DCC: variants seen among roughly 807,000 people sequenced by gnomAD.
DCC encodes netrin receptor DCC.
In DCC, 58 loss-of-function variants were observed where a neutral mutation model predicts 172.5. That is an observed-to-expected ratio of 0.34 (90% CI 0.27 to 0.42). The LOEUF (loss-of-function observed/expected upper bound fraction) is 0.42. Among genes scored for constraint, DCC ranks in the 10% least tolerant of loss-of-function variants. The pLI, the probability that DCC is intolerant of heterozygous loss-of-function variation, is 1.00. For synonymous variants in DCC, 709 were observed against 644.5 expected, an observed-to-expected ratio of 1.10 and a Z score of -1.52; for missense variants, 1,740 against 1,791.0, an observed-to-expected ratio of 0.97 and a Z score of 0.51.
intron 5 of DCC, among the ~76,000 whole-genome samples, chr18:53,009,466 T>G (rs2041695360): frequency 6.6e-6 from 1 of 151,846 alleles, no homozygotes; most frequent in South Asian, 2.1e-4. Context: ...TATGCTGAAG[T>G]GGTGTCAGTG....
In DCC at chr18:52,573,862, C is replaced by T. The variant is rs556383568; in HGVS notation, c.92-178192C>T. On this transcript the variant is annotated intron_variant, in intron 1 of 28. Transcript: ENST00000442544. ...AGATGTCCAGATTCCTAGTCCCAGA[C>T]TGTTCCCTCTTAGGATGACCACCTC... 1.1e-4 allele frequency among the ~76,000 whole-genome samples: 17 copies of T among 152,312 alleles called. No individual in the cohort carries two copies. The South Asian group carries it at 1.7e-3, about 15-fold the overall frequency.
At chr18:53,081,996 A>T (rs1268179143) in intron 7 of DCC, among the ~76,000 whole-genome samples, 1 of 152,112 alleles carries the variant, frequency 6.6e-6, no homozygotes, top group African/African-American at 2.4e-5. Flanking sequence ...GGGGGAGGCC[A>T]GCGATCAAGA....
At chr18:53,526,326 G>T (rs527925587) in intron 27 of DCC, among the ~76,000 whole-genome samples, 46 of 152,158 alleles carry the variant, frequency 3.0e-4, no homozygotes, top group African/African-American at 2.4e-5. Context: ...ACTTTATAGG[G>T]TGTGATGAAC....
intron 12 of DCC, among the ~76,000 whole-genome samples, chr18:53,302,710 T>C (rs1479732593): frequency 1.3e-5 from 2 of 152,232 alleles, no homozygotes; most frequent in Non-Finnish European, 2.9e-5. Flanking sequence ...ATTATCCTTA[T>C]GCTTGCTTAT....
At chr18:53,370,612 T>A (rs2058051209) in intron 15 of DCC, among the ~76,000 whole-genome samples, 1 of 151,914 alleles carries the variant, frequency 6.6e-6, no homozygotes, top group South Asian at 2.1e-4. Flanking sequence ...ATTTTCTAAT[T>A]TCCTTTGTTG....
intron 26 of DCC, among the ~76,000 whole-genome samples, chr18:53,496,415 C>T (rs1409951341): frequency 6.6e-6 from 1 of 152,066 alleles, no homozygotes; most frequent in East Asian, 1.9e-4. Context: ...GTATCAACAT[C>T]AACAAAAAGG....
chr18:52,343,066 C>T (rs142388061), intron 1 of DCC, among the ~76,000 whole-genome samples: 111 of 152,280 alleles, frequency 7.3e-4, no homozygotes, highest in African/African-American at 2.4e-3. Context: ...CTTTTCTGCA[C>T]TTCTAAATCT....
chr18:52,724,823 C>G (rs2145083269), intron 1 of DCC, among the ~76,000 whole-genome samples: 1 of 152,220 alleles, frequency 6.6e-6, no homozygotes, highest in Middle Eastern at 3.4e-3. Context: ...TCCATCTGAC[C>G]CATTCTACAC....
intron 1 of DCC, among the ~76,000 whole-genome samples, chr18:52,587,079 T>A (rs1264241897): frequency 2.6e-5 from 4 of 151,808 alleles, no homozygotes; most frequent in Non-Finnish European, 5.9e-5. Flanking sequence ...TAAGTGTGTA[T>A]TCCAGTGAGG....
chr18:52,674,476 C>T (rs1176692612), intron 1 of DCC, among the ~76,000 whole-genome samples: 1 of 152,152 alleles, frequency 6.6e-6, no homozygotes, highest in Non-Finnish European at 1.5e-5. Flanking sequence ...CCACCAATTC[C>T]AATGTTAATC....
In DCC at chr18:52,680,936, C is replaced by T. The variant is rs971139248; in HGVS notation, c.92-71118C>T. 2.1e-4 allele frequency among the ~76,000 whole-genome samples: 32 copies of T among 152,010 alleles called. 1 individual carries two copies. The highest frequency in any genetic ancestry group is 8.8e-5 in the Non-Finnish European group (6 of 67,978). On this transcript the variant is annotated intron_variant, in intron 1 of 28. Coordinates refer to ENST00000442544, the MANE Select transcript of DCC (RefSeq NM_005215.4). ...TTGGTTAAAACGCAGAAGAAAAATA[C>T]TGGTTAGTTTTTACATGGGTCCAAC...
rs577164819 is a variant in DCC at position 52,376,516 on chromosome 18, T to G, written c.91+35638T>G. On this transcript the variant is annotated intron_variant, in intron 1 of 28. Transcript: ENST00000442544. ...GTGTGTGTGTGTGTGTGTATATGTG[T>G]GTACATGCACATGCACAAGTTTTCA... 4.0e-3 allele frequency among the ~76,000 whole-genome samples: 611 copies of G among 152,312 alleles called. 7 individuals are homozygous for G. Among genetic ancestry groups the G allele is most frequent in the African/African-American group, 0.014 (591 of 41,556 alleles).
chr18:53,119,081 G>T (rs1422218178), intron 7 of DCC, among the ~76,000 whole-genome samples: 1 of 151,716 alleles, frequency 6.6e-6, no homozygotes, highest in Admixed American at 6.6e-5. Context: ...TTAGCATCTT[G>T]AGGAAGGTAC....
At chr18:52,352,319 T>C (rs1355578547) in intron 1 of DCC, among the ~76,000 whole-genome samples, 1 of 152,192 alleles carries the variant, frequency 6.6e-6, no homozygotes. Flanking sequence ...AATTTTATTG[T>C]TGTGATTTTA....
At chr18:53,402,270 G>T (rs991048445) in intron 18 of DCC, among the ~76,000 whole-genome samples, 3 of 151,932 alleles carry the variant, frequency 2.0e-5, no homozygotes, top group African/African-American at 7.3e-5. Flanking sequence ...TGCAACAGTG[G>T]ATCCGGCTAC....
chr18:52,706,989 A>G (rs932199546), intron 1 of DCC, among the ~76,000 whole-genome samples: 2 of 152,128 alleles, frequency 1.3e-5, no homozygotes, highest in Admixed American at 6.5e-5. Context: ...ATGCAGAGGG[A>G]TGGAGGTAGA....
chr18:53,264,850 A>G (rs897997980), intron 12 of DCC, among the ~76,000 whole-genome samples: 8 of 152,218 alleles, frequency 5.3e-5, no homozygotes, highest in African/African-American at 1.9e-4. Flanking sequence ...GCATCTTCAC[A>G]TCCTGAAAAC....
At chr18:52,966,111 A>G (rs758325279) in intron 5 of DCC, among the ~76,000 whole-genome samples, 2 of 152,154 alleles carry the variant, frequency 1.3e-5, no homozygotes, top group African/African-American at 4.8e-5. Context: ...TCCATAGATC[A>G]TTTCCCATAG....
At chr18:53,239,306 A>G (rs1344770762) in intron 12 of DCC, among the ~76,000 whole-genome samples, 2 of 151,880 alleles carry the variant, frequency 1.3e-5, no homozygotes, top group African/African-American at 2.4e-5. Flanking sequence ...AAAAACCTAA[A>G]GAATAGAAAA....
Sources: gnomAD v4.1 joint callset for allele counts (sites outside exome capture counted in the v4.1 genomes callset) on GRCh38, gnomAD v4.1.1 for gene constraint, MANE v1.5 for transcripts, NCBI Gene and HGNC (gene_info 2026-07-23, HGNC 2026-07-21) for gene names.